Variants in CAAP1 observed in about 807,000 individuals in gnomAD.
CAAP1 encodes conserved anti-apoptotic protein.
In CAAP1, 20 loss-of-function variants were observed where a neutral mutation model predicts 34.0. That is an observed-to-expected ratio of 0.59 (90% CI 0.41 to 0.86). CAAP1 has a LOEUF of 0.86. CAAP1 is among the 40% of genes least tolerant of loss of function. The pLI is 0.00. For synonymous variants in CAAP1, 213 were observed against 166.7 expected, an observed-to-expected ratio of 1.28 and a Z score of -2.14; for missense variants, 538 against 450.5, an observed-to-expected ratio of 1.19 and a Z score of -1.76.
chr9:26,860,886 A>G (rs1822988582), intron 5 of CAAP1, among the ~76,000 whole-genome samples, 180 bp downstream of exon 5: 1 of 152,212 alleles, frequency 6.6e-6, no homozygotes, highest in Non-Finnish European at 1.5e-5. Flanking sequence ...ACTAAACATC[A>G]TAAAATATAA....
At chr9:26,876,314 G>A (rs536653252) in intron 4 of CAAP1, among the ~76,000 whole-genome samples, 4 of 152,212 alleles carry the variant, frequency 2.6e-5, no homozygotes, top group Admixed American at 2.0e-4. Context: ...TGATAATCCA[G>A]AAGTCTTCCC....
chr9:26,847,087 C>T (rs1027153184), intron 5 of CAAP1, among the ~76,000 whole-genome samples: 15 of 148,220 alleles, frequency 1.0e-4, no homozygotes, highest in Non-Finnish European at 1.5e-4. Flanking sequence ...CTTTGGCTTA[C>T]TTTTTTGACT....
chr9:26,886,700 C>T (rs1823746481), intron 2 of CAAP1, among the ~76,000 whole-genome samples: 2 of 152,164 alleles, frequency 1.3e-5, no homozygotes, highest in African/African-American at 4.8e-5. Context: ...CATATTGTGA[C>T]ATTATTTCTT....
At chr9:26,872,553 A>ATAT (rs560375272) in intron 4 of CAAP1, among the ~76,000 whole-genome samples, 3 of 142,558 alleles carry the variant, frequency 2.1e-5, no homozygotes, top group South Asian at 2.2e-4. Flanking sequence ...ATATACATAT[A>ATAT]ATATATATAT....
intron 4 of CAAP1, among the ~76,000 whole-genome samples, chr9:26,867,054 T>G (rs1823157056): frequency 6.6e-6 from 1 of 152,144 alleles, no homozygotes; most frequent in Admixed American, 6.5e-5. Context: ...AACCCTATTG[T>G]GAACTGCACA....
intron 4 of CAAP1, among the ~76,000 whole-genome samples, chr9:26,870,372 T>C (rs767976166): frequency 9.9e-5 from 15 of 152,098 alleles, no homozygotes; most frequent in Non-Finnish European, 2.1e-4. Context: ...TTCATCCTAC[T>C]GCTGTCTTTT....
chr9:26,869,203 T>A (rs55805136), intron 4 of CAAP1, among the ~76,000 whole-genome samples: 11,520 of 151,600 alleles, frequency 0.076, 489 homozygotes, highest in Middle Eastern at 0.14. Context: ...TAAAAAAAAA[T>A]AAATAAACCA....
chr9:26,846,212 T>TCTGC, intron 5 of CAAP1, among the ~76,000 whole-genome samples: 1 of 150,500 alleles, frequency 6.6e-6, no homozygotes, highest in African/African-American at 2.4e-5. Flanking sequence ...AGGTCAGGAG[T>TCTGC]TCAAGACTAG....
rs1268887426 is a variant in CAAP1, at chr9:26,875,988, T to C, written c.665+8822A>G. ...TTAGTTTTCTATTGCCACTCTAATA[T>C]ATTATCACAAGTTTAGTGGCTTAAA... On this transcript the variant is annotated intron_variant, in intron 4 of 5. Transcript: ENST00000333916. 5.9e-5 allele frequency among the ~76,000 whole-genome samples: 9 copies of C among 152,236 alleles called. No individual in the cohort carries two copies. In the East Asian group the frequency reaches 1.7e-3, roughly 29 times the overall value.
chr9:26,861,592 G>A (rs1823002535), intron 4 of CAAP1, among the ~76,000 whole-genome samples: 1 of 152,024 alleles, frequency 6.6e-6, no homozygotes, highest in South Asian at 2.1e-4. Flanking sequence ...TATTTTATAT[G>A]TAATATACAT....
At chr9:26,890,781 T>C (rs1823881695) in intron 1 of CAAP1, among the ~76,000 whole-genome samples, 2 of 152,004 alleles carry the variant, frequency 1.3e-5, no homozygotes, top group Non-Finnish European at 2.9e-5. Flanking sequence ...CCGTCTCTAC[T>C]GAAAATACAA....
chr9:26,884,306 T>C (rs1288084299), intron 4 of CAAP1, among the ~76,000 whole-genome samples: 1 of 152,210 alleles, frequency 6.6e-6, no homozygotes, highest in East Asian at 1.9e-4. Flanking sequence ...AAACTTCAGG[T>C]ATTTTTTTTA....
chr9:26,854,903 G>C (rs1805322714), intron 5 of CAAP1, among the ~76,000 whole-genome samples: 2 of 152,148 alleles, frequency 1.3e-5, no homozygotes, highest in African/African-American at 4.8e-5. Context: ...AATGCTGATA[G>C]GAATGTGGAG....
chr9:26,873,191 G>A (rs559901281), intron 4 of CAAP1, among the ~76,000 whole-genome samples: 4 of 152,202 alleles, frequency 2.6e-5, no homozygotes, highest in Admixed American at 6.5e-5. Context: ...GCAGTGACCC[G>A]TGATTGAGCC....
At chr9:26,881,701 T>C (rs147113855) in intron 4 of CAAP1, among the ~76,000 whole-genome samples, 32 of 152,272 alleles carry the variant, frequency 2.1e-4, no homozygotes, top group African/African-American at 7.0e-4. Context: ...TTGGTACCAG[T>C]AGAGTGGGGC....
At chr9:26,878,915 A>G (rs1427279111) in intron 4 of CAAP1, among the ~76,000 whole-genome samples, 1 of 152,214 alleles carries the variant, frequency 6.6e-6, no homozygotes, top group African/African-American at 2.4e-5. Context: ...ATCTTTGCCA[A>G]GATTCCCAAG....
chr9:26,882,313 G>C (rs571143197), intron 4 of CAAP1, among the ~76,000 whole-genome samples: 1 of 152,284 alleles, frequency 6.6e-6, no homozygotes, highest in Non-Finnish European at 1.5e-5. Context: ...TGGAGGCCTA[G>C]GAGGGAAAAA....
intron 4 of CAAP1, among the ~76,000 whole-genome samples, chr9:26,871,500 G>A (rs7847403): frequency 1.1e-3 from 166 of 151,230 alleles, no homozygotes; most frequent in African/African-American, 3.8e-3. Context: ...TCACTTGAAC[G>A]TGCTAGGCAG....
chr9:26,871,763 C>T (rs1203525781), intron 4 of CAAP1, among the ~76,000 whole-genome samples: 1 of 151,430 alleles, frequency 6.6e-6, no homozygotes, highest in Non-Finnish European at 1.5e-5. Flanking sequence ...ATCTCTACTA[C>T]AAGACAAAAA....
Sources: gnomAD v4.1 joint callset for allele counts (sites outside exome capture counted in the v4.1 genomes callset) on GRCh38, gnomAD v4.1.1 for gene constraint, MANE v1.5 for transcripts, NCBI Gene and HGNC (gene_info 2026-07-23, HGNC 2026-07-21) for gene names.